Variants in FRAS1 observed in about 807,000 individuals in gnomAD.
The protein encoded by FRAS1 is extracellular matrix organizing protein FRAS1.
Under a neutral mutation model 435.2 loss-of-function variants are expected in FRAS1, and 290 were observed. The observed-to-expected ratio is 0.67, with a 90% confidence interval of 0.61 to 0.73. FRAS1 has a LOEUF of 0.73. Ranked by LOEUF, FRAS1 falls within the 30% of genes least tolerant of loss-of-function variation. The pLI is 0.00. For missense variants in FRAS1, 4,860 were observed against 5,001.5 expected (o/e 0.97, Z 0.85); for synonymous variants, 1,800 against 1,851.0 (o/e 0.97, Z 0.71).
intron 2 of FRAS1, among the ~76,000 whole-genome samples, chr4:78,150,983 T>G (rs1452370815): frequency 6.6e-6 from 1 of 152,210 alleles, no homozygotes; most frequent in East Asian, 1.9e-4. Flanking sequence ...CTTATAATAT[T>G]TATTAAGTTT....
At chr4:78,200,819 C>T (rs1300389928) in intron 2 of FRAS1, among the ~76,000 whole-genome samples, 1 of 142,938 alleles carries the variant, frequency 7.0e-6, no homozygotes, top group African/African-American at 2.9e-5. Context: ...GATGCCTCTG[C>T]TTATGGAGAA....
chr4:78,429,084 A>G lies in FRAS1; in HGVS notation c.4712-11A>G, dbSNP rs1163040458. On this transcript the variant is annotated splice_polypyrimidine_tract_variant and intron_variant, in intron 35 of 73. Coordinates refer to ENST00000512123, the MANE Select transcript of FRAS1 (RefSeq NM_025074.7). The stretch of plus-strand genomic sequence containing the variant: ...TGTGTCTCTGTGTGTGTGTGCATTT[A>G]TCCTTTTTAGTTTCAGATGGAGAAC... The G allele has an allele frequency of 5.2e-6, 8 of 1,550,898 alleles. No individual in the cohort carries two copies. The highest frequency in any genetic ancestry group is 7.0e-6 in the Non-Finnish European group (8 of 1,146,694).
intron 2 of FRAS1, among the ~76,000 whole-genome samples, chr4:78,201,601 C>T (rs1723050503): frequency 6.6e-6 from 1 of 152,174 alleles, no homozygotes; most frequent in Non-Finnish European, 1.5e-5. Flanking sequence ...ATCCACCCCT[C>T]TACATAGGAT....
intron 67 of FRAS1, 26 bp from the exon 68 acceptor site, chr4:78,521,497 C>T (rs1230441197): frequency 1.9e-6 from 3 of 1,563,494 alleles, no homozygotes; most frequent in African/African-American, 1.4e-5. Context: ...CATGCCCTAG[C>T]ATTTTCTCTC....
chr4:78,484,972 A>T (rs768202981), intron 58 of FRAS1, among the ~76,000 whole-genome samples: 44 of 152,246 alleles, frequency 2.9e-4, no homozygotes, highest in Admixed American at 5.9e-4. Flanking sequence ...AAATTCAGCT[A>T]TACGTTTTAT....
intron 68 of FRAS1, 77 bp from the exon 69 acceptor site, chr4:78,522,572 G>A: frequency 8.0e-7 from 1 of 1,246,402 alleles, no homozygotes; most frequent in Non-Finnish European, 1.1e-6. Flanking sequence ...TCAGGCTTTT[G>A]TGGGGCTCTA....
chr4:78,129,655 A>G (rs1190924003), intron 2 of FRAS1, among the ~76,000 whole-genome samples: 1 of 152,202 alleles, frequency 6.6e-6, no homozygotes, highest in African/African-American at 2.4e-5. Context: ...AAAGACTTCC[A>G]GAGTCTAGAG....
At chr4:78,256,477 G>T (rs1725801629) in intron 6 of FRAS1, among the ~76,000 whole-genome samples, 1 of 152,120 alleles carries the variant, frequency 6.6e-6, no homozygotes, top group African/African-American at 2.4e-5. Context: ...TAATTAAGCA[G>T]TTTGCCACCA....
chr4:78,120,564 C>A (rs1023855339), intron 2 of FRAS1, among the ~76,000 whole-genome samples: 1 of 152,172 alleles, frequency 6.6e-6, no homozygotes, highest in South Asian at 2.1e-4. Context: ...TCTAGACCAG[C>A]CAGGCTCTGG....
At position 78,252,408 on chromosome 4, in the gene FRAS1, C is replaced by T. The variant is rs1323704620; in HGVS notation, c.326C>T (p.Ala109Val). Residue 109 changes from alanine to valine, a missense_variant, in exon 5 of 74, where the codon GCC (alanine) becomes GTC (valine). Physicochemically the swap from Ala to Val is moderately conservative, Grantham distance 64 (BLOSUM62 0). Coordinates refer to ENST00000512123, the MANE Select transcript of FRAS1 (RefSeq NM_025074.7). ...KKIHEHGTEWASSPCSVCSCN... is the reference protein window; with the variant it reads ...KKIHEHGTEWVSSPCSVCSCN... ...AACACACAGCATGGGACAGAATGGG[C>T]CTCTTCTCCATGTAGTGTGTGCTCT... The T allele has an allele frequency of 1.2e-6, 2 of 1,613,272 alleles. No homozygotes were observed. Among genetic ancestry groups the T allele is most frequent in the African/African-American group, 1.3e-5 (1 of 74,766 alleles).
At chr4:78,444,813 T>A (rs1718740095) in intron 41 of FRAS1, among the ~76,000 whole-genome samples, 1 of 152,202 alleles carries the variant, frequency 6.6e-6, no homozygotes. Flanking sequence ...GGCATCTCGG[T>A]ACCTGAATGG....
intron 13 of FRAS1, among the ~76,000 whole-genome samples, chr4:78,286,054 A>G (rs1388988785): frequency 6.6e-6 from 1 of 150,732 alleles, no homozygotes; most frequent in Non-Finnish European, 1.5e-5. Context: ...GAGGAAAAGA[A>G]CATAGACTCC....
chr4:78,220,468 A>C (rs1724005674), intron 2 of FRAS1, among the ~76,000 whole-genome samples: 1 of 152,220 alleles, frequency 6.6e-6, no homozygotes, highest in African/African-American at 2.4e-5. Context: ...AGTAGTTACA[A>C]GAGACCAAAT....
intron 66 of FRAS1, among the ~76,000 whole-genome samples, chr4:78,516,250 T>C (rs527561455): frequency 9.2e-5 from 14 of 152,372 alleles, no homozygotes; most frequent in Non-Finnish European, 1.3e-4. Flanking sequence ...TACTCACTTA[T>C]GTAAAAATCC....
chr4:78,511,199 T>G (rs769477500), intron 63 of FRAS1, 75 bp from the exon 64 acceptor site: 21 of 1,172,552 alleles, frequency 1.8e-5, no homozygotes, highest in Non-Finnish European at 2.5e-5. Context: ...CTTTACAGAT[T>G]AACTTGAACC....
intron 2 of FRAS1, among the ~76,000 whole-genome samples, chr4:78,210,484 T>C (rs184644851): frequency 1.3e-5 from 2 of 152,300 alleles, no homozygotes; most frequent in East Asian, 3.9e-4. Context: ...TAGACACATA[T>C]CTCTTACGAA....
chr4:78,299,445 G>A (rs1380631387), intron 14 of FRAS1, among the ~76,000 whole-genome samples: 2 of 152,158 alleles, frequency 1.3e-5, no homozygotes, highest in Admixed American at 6.6e-5. Flanking sequence ...TGGAGATTCC[G>A]GGGATGAAAC....
Position 78,464,061 on chromosome 4 carries a change from A to G in FRAS1, c.6804A>G (p.Ser2268=), listed in dbSNP as rs748066291. The part of the protein sequence containing the change: ...ISSFTQADLT[S]RNVQYVHSSE... ...CCTTTACTCAAGCTGATCTGACTTCACGAAATGTTCAGTATGTCCATTCTA... is the reference window on the plus strand; with the variant it reads ...CCTTTACTCAAGCTGATCTGACTTCGCGAAATGTTCAGTATGTCCATTCTA... Residue 2268 remains serine, a synonymous_variant, in exon 48 of 74, where the codon TCA becomes TCG. Transcript: ENST00000512123. The G allele has an allele frequency of 7.4e-6, 12 of 1,613,552 alleles. No homozygotes were observed. The highest frequency in any genetic ancestry group is 1.0e-5 in the Non-Finnish European group (12 of 1,179,816).
rs534554683 is a variant in FRAS1, at chr4:78,543,017, C to T, written c.*1893C>T. The T allele has an allele frequency of 2.0e-5, 3 of 152,282 alleles. No homozygotes were observed. In the South Asian group the frequency reaches 6.2e-4, roughly 32 times the overall value. The allele number at this position is 152,282 out of a possible 1,614,324, so 9.4% of individuals were successfully genotyped here. ...TGAGACTATGAATTGGCATCCAGAA[C>T]AGGAGATTTAGAGCAAAATCTAATT... On this transcript the variant is annotated 3_prime_UTR_variant, in exon 74 of 74. Transcript: ENST00000512123.
Sources: gnomAD v4.1 joint callset for allele counts (sites outside exome capture counted in the v4.1 genomes callset) on GRCh38, gnomAD v4.1.1 for gene constraint, MANE v1.5 for transcripts, NCBI Gene and HGNC (gene_info 2026-07-23, HGNC 2026-07-21) for gene names.